FBXW9: variants seen among roughly 807,000 people sequenced by gnomAD.
FBXW9 encodes the protein F-box and WD repeat domain containing 9.
FBXW9 carries 38 observed loss-of-function variants against 55.8 expected under a neutral mutation model. The observed-to-expected ratio is 0.68, with a 90% CI of 0.53 to 0.89. The LOEUF is 0.89. Among genes scored for constraint, FBXW9 ranks in the 40% least tolerant of loss-of-function variants. The pLI is 0.00. For missense variants in FBXW9, 590 were observed against 619.4 expected (o/e 0.95, Z 0.50); for synonymous variants, 289 against 278.2 (o/e 1.04, Z -0.38).
Position 12,691,271 on chromosome 19 carries a change from G to T in FBXW9, c.792-14C>A. On this transcript the variant is annotated splice_polypyrimidine_tract_variant and intron_variant, in intron 4 of 9. Transcript: ENST00000393261. Reference sequence around the variant, plus strand: ...GCTGAGCTGGCCCTAGGGACACACAGACCACAGGGCTTTGGCTGTGGCCAG... The same window carrying T: ...GCTGAGCTGGCCCTAGGGACACACATACCACAGGGCTTTGGCTGTGGCCAG... 1 of 1,614,062 alleles carries T rather than the reference G, an allele frequency of 6.2e-7. No homozygotes were observed. Among genetic ancestry groups the T allele is most frequent in the South Asian group, 1.1e-5 (1 of 91,070 alleles).
Position 12,691,458 on chromosome 19 carries a change from C to A in FBXW9, c.679-4G>T. 6.4e-7 allele frequency: 1 copy of A among 1,562,020 alleles called. No homozygotes were observed. Among genetic ancestry groups the A allele is most frequent in the Non-Finnish European group, 8.7e-7 (1 of 1,154,934 alleles). ...CTGCCAGTGACCACACCCAGCCCTGCAGGACAGGAGCAGCAGTCACACACC... is the reference window on the plus strand; with the variant it reads ...CTGCCAGTGACCACACCCAGCCCTGAAGGACAGGAGCAGCAGTCACACACC... On this transcript the variant is annotated splice_polypyrimidine_tract_variant and splice_region_variant and intron_variant, in intron 3 of 9. Transcript: ENST00000393261.
chr19:12,691,203 G>A lies in FBXW9; in HGVS notation c.846C>T (p.Gly282=), dbSNP rs1480539492. The A allele has an allele frequency of 6.2e-7, 1 of 1,614,084 alleles. No homozygotes were observed. The highest frequency in any genetic ancestry group is 2.2e-5 in the East Asian group (1 of 44,896). The change falls in exon 5 of 10, where the codon GGC becomes GGT. Residue 282 remains glycine (G), a synonymous_variant. Coordinates refer to ENST00000393261, the MANE Select transcript of FBXW9 (RefSeq NM_032301.3). Reference sequence around the variant, plus strand: ...AGATGGTCACCTTCTTGTCATAGGTGCCAGTCACCAGGATGTCAGGCAGGT... The same window carrying A: ...AGATGGTCACCTTCTTGTCATAGGTACCAGTCACCAGGATGTCAGGCAGGT... ...LSYLPDILVT[G]TYDKKVTIYD...
chr19:12,690,161 C>T (rs767177327), intron 5 of FBXW9, 51 bp from the exon 6 acceptor site: 21 of 1,609,102 alleles, frequency 1.3e-5, no homozygotes, highest in Non-Finnish European at 1.7e-5. Flanking sequence ...CCTCGAAGGC[C>T]CCCCCCAGCC....
chr19:12,691,917 G>A (rs911762933), intron 3 of FBXW9, among the ~76,000 whole-genome samples: 1 of 151,694 alleles, frequency 6.6e-6, no homozygotes, highest in Non-Finnish European at 1.5e-5. Context: ...CACCACGCCC[G>A]GCTAATTTTT....
In FBXW9 at chr19:12,689,830, G is replaced by C; in HGVS notation, c.1077C>G (p.Leu359=). 6.2e-7 allele frequency: 1 copy of C among 1,614,176 alleles called. No individual in the cohort carries two copies. Among genetic ancestry groups the C allele is most frequent in the Non-Finnish European group, 8.5e-7 (1 of 1,180,022 alleles). ...GCAGGCCCTGGTTGTCACCAGCCCA[G>C]AGCTGGGGTTCCTGGTAGGACATGC... The part of the protein sequence containing the change: ...LLCMSYQEPQ[L]WAGDNQGLLH... The change falls in exon 7 of 10, where the codon CTC becomes CTG. Residue 359 remains leucine, a synonymous_variant. Coordinates refer to ENST00000393261, the MANE Select transcript of FBXW9 (RefSeq NM_032301.3). This position sits in a 1 kb window ranked among gnomAD's most constrained non-coding sequence, Gnocchi z 5.9.
rs1161701400 is a variant in FBXW9, at chr19:12,691,227, G to A, written c.822C>T (p.Tyr274=). 5.6e-6 allele frequency: 9 copies of A among 1,614,096 alleles called. No individual in the cohort carries two copies. In the Admixed American group the frequency reaches 6.7e-5, roughly 12 times the overall value. ...KASSAVLCLS[Y]LPDILVTGTY... Reference sequence around the variant, plus strand: ...TGCCAGTCACCAGGATGTCAGGCAGGTAGGAGAGGCACAGCACGGCTGAGC... The same window carrying A: ...TGCCAGTCACCAGGATGTCAGGCAGATAGGAGAGGCACAGCACGGCTGAGC... The change falls in exon 5 of 10, where the codon TAC becomes TAT. Residue 274 remains tyrosine, a synonymous_variant. Coordinates refer to ENST00000393261, the MANE Select transcript of FBXW9 (RefSeq NM_032301.3).
chr19:12,693,501 GAAA>G (rs1214446276), intron 3 of FBXW9, among the ~76,000 whole-genome samples: 18 of 2,132 alleles, frequency 8.4e-3, no homozygotes, highest in South Asian at 0.038. Context: ...TCTACTAAAG[GAAA>G]AAAAAAAAAA....
Position 12,689,728 on chromosome 19 carries a change from G to T in FBXW9, c.1146+33C>A, listed in dbSNP as rs762179818. The T allele has an allele frequency of 2.4e-5, 38 of 1,609,860 alleles. No homozygotes were observed. Among genetic ancestry groups the T allele is most frequent in the Non-Finnish European group, 3.2e-5 (38 of 1,176,392 alleles). On this transcript the variant is annotated intron_variant, in intron 7 of 9. Coordinates refer to ENST00000393261, the MANE Select transcript of FBXW9 (RefSeq NM_032301.3). The surrounding 1 kb of genome is among the most constrained non-coding windows in gnomAD (Gnocchi z 5.9). ...CTCGGGTAGGAAGGAAGCCCGGGGG[G>T]AGGGACAGTCAGGGGCAGGAGCTCC...
chr19:12,696,617 T>C lies in FBXW9; in HGVS notation c.-36A>G. On this transcript the variant is annotated 5_prime_UTR_variant, in exon 1 of 10. Coordinates refer to ENST00000393261, the MANE Select transcript of FBXW9 (RefSeq NM_032301.3). The stretch of plus-strand genomic sequence containing the variant: ...TGGGCGCTGCCGGCCTCGCGTCTTG[T>C]CTCCTAGGCAGCACGAGGGCACTTC... 6.3e-7 allele frequency: 1 copy of C among 1,589,336 alleles called. No individual in the cohort carries two copies. Among genetic ancestry groups the C allele is most frequent in the Non-Finnish European group, 8.5e-7 (1 of 1,175,420 alleles).
chr19:12,692,973 G>A (rs1465844930), intron 3 of FBXW9, among the ~76,000 whole-genome samples: 1 of 152,130 alleles, frequency 6.6e-6, no homozygotes, highest in Non-Finnish European at 1.5e-5. Flanking sequence ...AGCAAATTGG[G>A]CAGAAAACAT....
rs1309967075 is a variant in FBXW9 at position 12,689,181 on chromosome 19, TC to T, written c.*34del. 1 of 1,488,520 alleles carries T rather than the reference TC, an allele frequency of 6.7e-7. No individual in the cohort carries two copies. The highest frequency in any genetic ancestry group is 9.4e-7 in the Non-Finnish European group (1 of 1,065,772). 92.2% of individuals were successfully genotyped at this position (1,488,520 alleles called of 1,614,324 possible). On this transcript the variant is annotated 3_prime_UTR_variant, in exon 10 of 10. Transcript: ENST00000393261. This position sits in a 1 kb window ranked among gnomAD's most constrained non-coding sequence, Gnocchi z 5.9. ...CAAGAACAGAGGAGGAAGCCCAGCC[TC>T]CGGCAGGCAGTATCCACATCCACGC... is the stretch of plus-strand genomic sequence containing the variant.
Position 12,696,584 on chromosome 19 carries a change from C to A in FBXW9, c.-3G>T. 2 of 1,606,954 alleles carry A rather than the reference C, an allele frequency of 1.2e-6. No individual in the cohort carries two copies. Among genetic ancestry groups the A allele is most frequent in the African/African-American group, 1.3e-5 (1 of 74,944 alleles). Reference sequence around the variant, plus strand: ...CACCGCCCTAGGGGAAGCTCCATTGCGACCGGGTGGGCGCTGCCGGCCTCG... The same window carrying A: ...CACCGCCCTAGGGGAAGCTCCATTGAGACCGGGTGGGCGCTGCCGGCCTCG... On this transcript the variant is annotated 5_prime_UTR_variant, in exon 1 of 10. Coordinates refer to ENST00000393261, the MANE Select transcript of FBXW9 (RefSeq NM_032301.3).
Position 12,696,609 on chromosome 19 carries a change from G to A in FBXW9, c.-28C>T, listed in dbSNP as rs537582507. 6 of 1,599,788 alleles carry A rather than the reference G, an allele frequency of 3.8e-6. No individual in the cohort carries two copies. The highest frequency in any genetic ancestry group is 3.4e-5 in the Admixed American group (2 of 58,630). ...CGACCGGGTGGGCGCTGCCGGCCTC[G>A]CGTCTTGTCTCCTAGGCAGCACGAG... On this transcript the variant is annotated 5_prime_UTR_variant, in exon 1 of 10. Transcript: ENST00000393261.
chr19:12,689,146 G>T lies in FBXW9; in HGVS notation c.*70C>A. On this transcript the variant is annotated 3_prime_UTR_variant, in exon 10 of 10. Coordinates refer to ENST00000393261, the MANE Select transcript of FBXW9 (RefSeq NM_032301.3). This position sits in a 1 kb window ranked among gnomAD's most constrained non-coding sequence, Gnocchi z 5.9. The stretch of plus-strand genomic sequence containing the variant: ...GGGCGGAGGCAGCACCAACATTGGG[G>T]ATGGTCCCCCAAGAACAGAGGAGGA... The T allele has an allele frequency of 2.4e-6, 3 of 1,234,600 alleles. No homozygotes were observed. Among genetic ancestry groups the T allele is most frequent in the Non-Finnish European group, 3.6e-6 (3 of 835,210 alleles). The allele number at this position is 1,234,600 out of a possible 1,614,324, so 76.5% of individuals were successfully genotyped here.
rs73921601 is a variant in FBXW9, at chr19:12,689,783, T to C, written c.1124A>G (p.Asn375Ser). ...GACCCGGATAAGCTGGAAGCAGCCG[T>C]TGCGGTTGGCGAAGACGTGCAGCAG... ...QGLLHVFANR[N>S]GCFQLIRSFD... Residue 375 changes from asparagine (N) to serine (S), a missense_variant, in exon 7 of 10, where the codon AAC (asparagine) becomes AGC (serine). Physicochemically the swap from Asn to Ser is conservative, Grantham distance 46 (BLOSUM62 1). Transcript: ENST00000393261. This position sits in a 1 kb window ranked among gnomAD's most constrained non-coding sequence, Gnocchi z 5.9. 32,208 of 1,613,854 alleles carry C rather than the reference T, an allele frequency of 0.02. 1,241 individuals are homozygous for C. The highest frequency in any genetic ancestry group is 0.17 in the African/African-American group (12,408 of 74,900).
rs758215970 is a variant in FBXW9, at chr19:12,689,990, C to T, written c.1004G>A (p.Arg335Gln). The change falls in exon 6 of 10, where the codon CGA becomes CAA. Residue 335 changes from arginine (R) to glutamine (Q), a missense_variant. Coordinates refer to ENST00000393261, the MANE Select transcript of FBXW9 (RefSeq NM_032301.3). The surrounding 1 kb of genome is among the most constrained non-coding windows in gnomAD (Gnocchi z 5.9). ...CAGACGCTGCAGGACGCTGTTGGCT[C>T]GGCGGTCCACCACCACCAGGGTGTG... Reference protein sequence around the residue: ...EDHTLVVVDRRANSVLQRLQL... With the variant: ...EDHTLVVVDRQANSVLQRLQL... 5 of 1,613,796 alleles carry T rather than the reference C, an allele frequency of 3.1e-6. No individual in the cohort carries two copies. The highest frequency in any genetic ancestry group is 4.2e-6 in the Non-Finnish European group (5 of 1,179,942).
chr19:12,689,723 G>A lies in FBXW9; in HGVS notation c.1146+38C>T, dbSNP rs200500613. Reference sequence around the variant, plus strand: ...AGGGGCTCGGGTAGGAAGGAAGCCCGGGGGGAGGGACAGTCAGGGGCAGGA... The same window carrying A: ...AGGGGCTCGGGTAGGAAGGAAGCCCAGGGGGAGGGACAGTCAGGGGCAGGA... On this transcript the variant is annotated intron_variant, in intron 7 of 9. Transcript: ENST00000393261. This position sits in a 1 kb window ranked among gnomAD's most constrained non-coding sequence, Gnocchi z 5.9. 6.6e-5 allele frequency: 106 copies of A among 1,605,594 alleles called. No homozygotes were observed. The highest frequency in any genetic ancestry group is 7.9e-5 in the Non-Finnish European group (93 of 1,172,812).
At chr19:12,691,662 A>T (rs1477931680) in intron 3 of FBXW9, among the ~76,000 whole-genome samples, 2 of 152,196 alleles carry the variant, frequency 1.3e-5, no homozygotes, top group Admixed American at 1.3e-4. Context: ...CATTGCATAG[A>T]TGAAACCAGA....
At position 12,689,559 on chromosome 19, in the gene FBXW9, G is replaced by A. The variant is rs754516876; in HGVS notation, c.1218C>T (p.Ser406=). ...GCCTCACCCGGATGGTCTTGTCAGT[G>A]GATGTGGTGTACAAGGCTCCCACGG... ...QYSVGALYTT[S]TDKTIRVHVP... The change falls in exon 8 of 10, where the codon TCC becomes TCT. Residue 406 remains serine (S), a synonymous_variant. Transcript: ENST00000393261. This position sits in a 1 kb window ranked among gnomAD's most constrained non-coding sequence, Gnocchi z 5.9. 1.2e-6 allele frequency: 2 copies of A among 1,613,992 alleles called. No individual in the cohort carries two copies. Among genetic ancestry groups the A allele is most frequent in the Non-Finnish European group, 1.7e-6 (2 of 1,179,996 alleles).
Sources: gnomAD v4.1 joint callset for allele counts (sites outside exome capture counted in the v4.1 genomes callset) on GRCh38, gnomAD v4.1.1 for gene constraint, Gnocchi (gnomAD v3.1) non-coding constraint, MANE v1.5 for transcripts, NCBI Gene and HGNC (gene_info 2026-07-23, HGNC 2026-07-21) for gene names.